Variants in TMEM245 observed in about 807,000 individuals in gnomAD.
TMEM245 encodes the protein transmembrane protein 245.
In TMEM245, 69 loss-of-function variants were observed where a neutral mutation model predicts 101.2. That is an observed-to-expected ratio of 0.68 (90% confidence interval 0.56 to 0.83). TMEM245 has a LOEUF of 0.83. TMEM245 is among the 40% of genes least tolerant of loss of function. The pLI is 0.00. For missense variants in TMEM245, 1,075 were observed against 1,092.8 expected (o/e 0.98, Z 0.23); for synonymous variants, 537 against 449.8 (o/e 1.19, Z -2.45).
intron 7 of TMEM245, 126 bp downstream of exon 7, chr9:109,085,871 C>T: frequency 9.6e-7 from 1 of 1,037,682 alleles, no homozygotes; most frequent in South Asian, 1.4e-5. Flanking sequence ...CCTTCCATAG[C>T]TTATAATTAA....
At chr9:109,041,567 G>T (rs1361373109) in intron 14 of TMEM245, among the ~76,000 whole-genome samples, 1 of 145,092 alleles carries the variant, frequency 6.9e-6, no homozygotes, top group Non-Finnish European at 1.5e-5. Flanking sequence ...GGGCTCAAGT[G>T]ATCCTCCCAC....
At chr9:109,119,270 C>G (rs2132695660) in intron 1 of TMEM245, 65 bp downstream of exon 1, 1 of 1,446,450 alleles carries the variant, frequency 6.9e-7, no homozygotes, top group Non-Finnish European at 9.1e-7. Flanking sequence ...GGAACAGCTG[C>G]AGGATTGCAC....
Position 109,087,252 on chromosome 9 carries a change from A to G in TMEM245, c.1241T>C (p.Phe414Ser). ...YHVWWGIIES[F>S]LKERQGALAP... ...GAGAGCTCCCTGCCGCTCCTTCAGG[A>G]AGCTTTCTATAATGCCCCACCACAC... The change falls in exon 6 of 18, where the codon TTC becomes TCC. Residue 414 changes from phenylalanine to serine, a missense_variant. Physicochemically the swap from Phe to Ser is radical, Grantham distance 155. This residue lies in a region of TMEM245 where 808 missense variants were observed against 741.5 expected (regional missense o/e 1.09). Transcript: ENST00000374586. 4 of 1,614,010 alleles carry G rather than the reference A, an allele frequency of 2.5e-6. No individual in the cohort carries two copies. Among genetic ancestry groups the G allele is most frequent in the Non-Finnish European group, 3.4e-6 (4 of 1,179,944 alleles).
At chr9:109,029,623 A>G (rs1042498917) in intron 17 of TMEM245, among the ~76,000 whole-genome samples, 7 of 152,352 alleles carry the variant, frequency 4.6e-5, no homozygotes, top group East Asian at 1.9e-4. Flanking sequence ...CCGAAAATCT[A>G]TAAGAGGATG....
chr9:109,066,241 G>T (rs986671602), intron 9 of TMEM245, among the ~76,000 whole-genome samples: 6 of 151,976 alleles, frequency 3.9e-5, no homozygotes, highest in Admixed American at 3.9e-4. Context: ...ATTACTTGAG[G>T]CCAAGAGTTC....
chr9:109,105,654 T>C (rs986226750), intron 3 of TMEM245, among the ~76,000 whole-genome samples: 17 of 152,214 alleles, frequency 1.1e-4, no homozygotes, highest in Admixed American at 1.0e-3. Flanking sequence ...CCATGGAATA[T>C]TATTCAGCCA....
chr9:109,065,901 C>T lies in TMEM245; in HGVS notation c.1533-1334G>A, dbSNP rs184259779. ...TTAGGTAAAGTCAAATGTGCAACAT[C>T]CTCAACTCACAGCAACTTTATGTGC... On this transcript the variant is annotated intron_variant, in intron 9 of 17. Coordinates refer to ENST00000374586, the MANE Select transcript of TMEM245 (RefSeq NM_032012.4). Among the ~76,000 whole-genome samples the T allele has an allele frequency of 2.6e-5, 4 of 152,146 alleles. No homozygotes were observed. The East Asian group carries it at 7.8e-4, about 29-fold the overall frequency.
At chr9:109,109,534 A>G (rs1830515019) in intron 1 of TMEM245, among the ~76,000 whole-genome samples, 1 of 152,116 alleles carries the variant, frequency 6.6e-6, no homozygotes, top group South Asian at 2.1e-4. Flanking sequence ...AAGACAGAAA[A>G]AAACTATCTC....
Position 109,057,296 on chromosome 9 carries a change from T to C in TMEM245, c.1749A>G (p.Lys583=), listed in dbSNP as rs1303344329. 6.2e-7 allele frequency: 1 copy of C among 1,614,080 alleles called. No homozygotes were observed. Among genetic ancestry groups the C allele is most frequent in the East Asian group, 2.2e-5 (1 of 44,882 alleles). ...VKNVTHSGRH[K]GQKLHVSRQN... ...GACGACTGACATGCAACTTCTGTCC[T>C]TTGTGCCTTCCAGAGTGTGTTACAT... Residue 583 remains lysine, a synonymous_variant, in exon 12 of 18, where the codon AAA becomes AAG. Transcript: ENST00000374586.
At chr9:109,099,931 G>C (rs1043899707) in intron 3 of TMEM245, among the ~76,000 whole-genome samples, 6 of 152,160 alleles carry the variant, frequency 3.9e-5, no homozygotes, top group African/African-American at 1.4e-4. Flanking sequence ...GCTCGCCCTT[G>C]TACCACGTGA....
chr9:109,117,683 T>C (rs1830762078), intron 1 of TMEM245, among the ~76,000 whole-genome samples: 1 of 152,242 alleles, frequency 6.6e-6, no homozygotes. Context: ...ACTTAGGTAT[T>C]CAACTTCTTA....
Position 109,119,642 on chromosome 9 carries a change from CCGCAT to C in TMEM245, c.267_271del (p.Cys90HisfsTer123). ...GCTCTTGAAGGGGTGCAGAAAAGTG[CCGCAT>C]AGCACGGCCCAGAGCAGCGGCCGCA... On this transcript the variant is annotated frameshift_variant, in exon 1 of 18. Transcript: ENST00000374586. LOFTEE classifies it high-confidence loss of function. 6.4e-7 allele frequency: 1 copy of C among 1,563,122 alleles called. No homozygotes were observed. The highest frequency in any genetic ancestry group is 8.6e-7 in the Non-Finnish European group (1 of 1,156,906).
At chr9:109,104,886 T>C (rs1170020632) in intron 3 of TMEM245, among the ~76,000 whole-genome samples, 5 of 152,098 alleles carry the variant, frequency 3.3e-5, no homozygotes, top group Non-Finnish European at 7.4e-5. Flanking sequence ...GACCTAAATA[T>C]AAGAGATAAA....
At chr9:109,044,633 T>G (rs1039293853) in intron 14 of TMEM245, among the ~76,000 whole-genome samples, 1 of 152,174 alleles carries the variant, frequency 6.6e-6, no homozygotes, top group Non-Finnish European at 1.5e-5. Context: ...GTGGGAAAAG[T>G]ACTCGCCAGC....
At chr9:109,080,775 A>T (rs497196) in intron 8 of TMEM245, 64 bp downstream of exon 8, 972,881 of 1,023,626 alleles carry the variant, frequency 0.95, 462,661 homozygotes, top group East Asian at 1. Flanking sequence ...GCTAGCTTTT[A>T]ATCCAGACTA....
intron 9 of TMEM245, among the ~76,000 whole-genome samples, chr9:109,071,082 T>C (rs970953515): frequency 2.0e-5 from 3 of 151,898 alleles, no homozygotes; most frequent in Non-Finnish European, 2.9e-5. Context: ...GGTTTCACCA[T>C]ATTGGCCAGG....
At chr9:109,097,435 G>A (rs1040268805) in intron 3 of TMEM245, among the ~76,000 whole-genome samples, 1 of 152,182 alleles carries the variant, frequency 6.6e-6, no homozygotes, top group South Asian at 2.1e-4. Flanking sequence ...CTATGAGGAA[G>A]CAGCACAATT....
intron 11 of TMEM245, 80 bp downstream of exon 11, chr9:109,060,273 GA>G (rs1828970087): frequency 1.0e-6 from 1 of 997,136 alleles, no homozygotes; most frequent in African/African-American, 1.6e-5. Flanking sequence ...ATCCCACTGT[GA>G]ATATAATCCT....
intron 8 of TMEM245, among the ~76,000 whole-genome samples, chr9:109,076,583 TTA>T (rs767423152): frequency 1.2e-4 from 18 of 152,232 alleles, no homozygotes; most frequent in Non-Finnish European, 2.6e-4. Flanking sequence ...TTAACTAATG[TTA>T]TATACACCCC....
Sources: gnomAD v4.1 joint callset for allele counts (sites outside exome capture counted in the v4.1 genomes callset) on GRCh38, gnomAD v4.1.1 for gene constraint, gnomAD v4.1.1 regional missense constraint, MANE v1.5 for transcripts, NCBI Gene and HGNC (gene_info 2026-07-23, HGNC 2026-07-21) for gene names.